CSNK1D: variants seen among roughly 807,000 people sequenced by gnomAD.
CSNK1D encodes casein kinase 1 delta, also known as casein kinase I isoform delta.
CSNK1D carries 16 observed loss-of-function variants against 46.6 expected under a neutral mutation model. The ratio of observed to expected loss-of-function variants is 0.34; its 90% CI spans 0.23 to 0.52. CSNK1D has a LOEUF of 0.52. Ranked by LOEUF, CSNK1D falls within the 20% of genes least tolerant of loss-of-function variation. The pLI, the probability that CSNK1D is intolerant of heterozygous loss-of-function variation, is 0.95. For missense variants in CSNK1D, 398 were observed against 578.4 expected (o/e 0.69, Z 3.20); for synonymous variants, 276 against 228.2 (o/e 1.21, Z -1.89).
downstream of CSNK1D, among the ~76,000 whole-genome samples, chr17:82,242,284 C>A (rs2147145421): frequency 6.6e-6 from 1 of 152,098 alleles, no homozygotes; most frequent in East Asian, 1.9e-4. Flanking sequence ...TGGGCTTCAA[C>A]AGCTCAAGCG....
At chr17:82,261,849 C>A (rs1023305893) in intron 2 of CSNK1D, among the ~76,000 whole-genome samples, 2 of 152,156 alleles carry the variant, frequency 1.3e-5, no homozygotes, top group Non-Finnish European at 2.9e-5. Context: ...CCCTCAGCCA[C>A]AGAACCGTCA....
rs1436160935 is a variant in CSNK1D, at chr17:82,255,170, G to C, written c.336+259C>G. 4 of 479,192 alleles carry C rather than the reference G, an allele frequency of 8.3e-6. No individual in the cohort carries two copies. The highest frequency in any genetic ancestry group is 2.0e-5 in the South Asian group (1 of 49,196). 29.7% of individuals were successfully genotyped at this position (479,192 alleles called of 1,614,324 possible). On this transcript the variant is annotated intron_variant, in intron 3 of 8. Transcript: ENST00000314028. This position sits in a 1 kb window ranked among gnomAD's most constrained non-coding sequence, Gnocchi z 5.9. ...CAGTGAGCTGGGCCGCCGGAGCCTC[G>C]AGAAGCCAGTGAGCTGGGCCGCCGG...
chr17:82,249,567 C>T lies in CSNK1D; in HGVS notation c.921G>A (p.Glu307=), dbSNP rs1318615689. The T allele has an allele frequency of 3.9e-6, 6 of 1,555,246 alleles. No homozygotes were observed. In the South Asian group the frequency reaches 7.1e-5, roughly 18 times the overall value. Residue 307 remains glutamate (E), a synonymous_variant, in exon 7 of 9, where the codon GAG becomes GAA. Transcript: ENST00000314028. The surrounding 1 kb of genome is among the most constrained non-coding windows in gnomAD (Gnocchi z 6.7). The part of the protein sequence containing the change: ...ASRAADDAER[E]RRDREERLRH... Reference sequence around the variant, plus strand: ...TCAGCCGCTCCTCTCGGTCCCTGCGCTCCCGCTCGGCGTCATCGGCGGCCC... The same window carrying T: ...TCAGCCGCTCCTCTCGGTCCCTGCGTTCCCGCTCGGCGTCATCGGCGGCCC...
In CSNK1D at chr17:82,243,622, G is replaced by C. The variant is rs1599570642; in HGVS notation, c.*1159C>G. On this transcript the variant is annotated 3_prime_UTR_variant, in exon 9 of 9. Transcript: ENST00000314028. ...GAAGGTTCTGGGTCCGGTTGGGAGA[G>C]TCACCTGCTCCTTGGCACCTCAGGG... 1 of 985,512 alleles carries C rather than the reference G, an allele frequency of 1.0e-6. No individual in the cohort carries two copies. Among genetic ancestry groups the C allele is most frequent in the Middle Eastern group, 5.2e-4 (1 of 1,914 alleles). 61.0% of individuals were successfully genotyped at this position (985,512 alleles called of 1,614,324 possible).
Position 82,251,271 on chromosome 17 carries a change from G to C in CSNK1D, c.885+108C>G. 1 of 1,339,400 alleles carries C rather than the reference G, an allele frequency of 7.5e-7. No homozygotes were observed. The highest frequency in any genetic ancestry group is 1.1e-6 in the Non-Finnish European group (1 of 945,950). The allele number at this position is 1,339,400 out of a possible 1,614,324, so 83.0% of individuals were successfully genotyped here. A position where few individuals can be genotyped will look rare whatever the true frequency, so the allele number is the denominator to read the frequency against. ...TACACACTTGCCCTTCACAACCAGA[G>C]ACACTCCCTATATGGTACAGCCCCT... On this transcript the variant is annotated intron_variant, in intron 6 of 8. Coordinates refer to ENST00000314028, the MANE Select transcript of CSNK1D (RefSeq NM_001893.6). This position sits in a 1 kb window ranked among gnomAD's most constrained non-coding sequence, Gnocchi z 4.5.
At chr17:82,264,797 C>CT (rs528693963) in intron 2 of CSNK1D, among the ~76,000 whole-genome samples, 12,823 of 133,328 alleles carry the variant, frequency 0.096, 1,237 homozygotes, top group African/African-American at 0.24. Flanking sequence ...CACACAAAAT[C>CT]TTTTTTTTTT....
rs1201471978 is a variant in CSNK1D, at chr17:82,243,027, C to A, written c.*1754G>T. The stretch of plus-strand genomic sequence containing the variant: ...CTACCTTCAAGAAGGGGTCCAGCAA[C>A]AAAGAAAATCTCTTAACTCGGCTCT... On this transcript the variant is annotated 3_prime_UTR_variant, in exon 9 of 9. Coordinates refer to ENST00000314028, the MANE Select transcript of CSNK1D (RefSeq NM_001893.6). 1.0e-6 allele frequency: 1 copy of A among 985,446 alleles called. No homozygotes were observed. The allele number at this position is 985,446 out of a possible 1,614,324, so 61.0% of individuals were successfully genotyped here. A position where few individuals can be genotyped will look rare whatever the true frequency, so the allele number is the denominator to read the frequency against.
chr17:82,253,582 A>T, intron 3 of CSNK1D: 1 of 374,284 alleles, frequency 2.7e-6, no homozygotes, highest in South Asian at 2.1e-5. Flanking sequence ...TTAGCAGAGA[A>T]ACTGCACGGA....
intron 2 of CSNK1D, among the ~76,000 whole-genome samples, chr17:82,261,567 A>G (rs1261129110): frequency 3.9e-5 from 6 of 152,146 alleles, no homozygotes; most frequent in Non-Finnish European, 5.9e-5. Flanking sequence ...TATATAACTA[A>G]AATGTTTCTA....
At position 82,248,938 on chromosome 17, in the gene CSNK1D, G is replaced by A. The variant is rs143219400; in HGVS notation, c.1134C>T (p.Pro378=). Residue 378 remains proline (P), a synonymous_variant, in exon 8 of 9, where the codon CCC becomes CCT. Coordinates refer to ENST00000314028, the MANE Select transcript of CSNK1D (RefSeq NM_001893.6). The surrounding 1 kb of genome is among the most constrained non-coding windows in gnomAD (Gnocchi z 4.1). Reference sequence around the variant, plus strand: ...TGAGGTCGGACGAGGAGATGTTGACGGGGGCCCCGCGGTGCAGCCGCATAC... The same window carrying A: ...TGAGGTCGGACGAGGAGATGTTGACAGGGGCCCCGCGGTGCAGCCGCATAC... ...KVSMRLHRGA[P]VNISSSDLTG... 2.1e-5 allele frequency: 33 copies of A among 1,605,088 alleles called. No individual in the cohort carries two copies. Among genetic ancestry groups the A allele is most frequent in the South Asian group, 1.5e-4 (13 of 89,592 alleles).
rs2051700163 is a variant in CSNK1D at position 82,273,597 on chromosome 17, C to G, written c.-216G>C. 5.1e-6 allele frequency: 3 copies of G among 589,046 alleles called. No homozygotes were observed. The highest frequency in any genetic ancestry group is 2.9e-6 in the Non-Finnish European group (1 of 340,968). The allele number at this position is 589,046 out of a possible 1,614,324, so 36.5% of individuals were successfully genotyped here. ...CCGAGCGCCGCCGCCGCTGCTCCGG[C>G]CCCTACCGGTCCCGCTTGCCCTCTC... On this transcript the variant is annotated 5_prime_UTR_variant, in exon 1 of 9. Coordinates refer to ENST00000314028, the MANE Select transcript of CSNK1D (RefSeq NM_001893.6). The surrounding 1 kb of genome is among the most constrained non-coding windows in gnomAD (Gnocchi z 5.1).
chr17:82,266,811 A>C (rs920863591), intron 1 of CSNK1D: 2 of 152,396 alleles, frequency 1.3e-5, no homozygotes, highest in Non-Finnish European at 2.9e-5. Flanking sequence ...CTGTAATCCC[A>C]GCACTTTGGG....
In CSNK1D at chr17:82,250,576, A is replaced by C; in HGVS notation, c.885+803T>G. On this transcript the variant is annotated intron_variant, in intron 6 of 8. Transcript: ENST00000314028. The surrounding 1 kb of genome is among the most constrained non-coding windows in gnomAD (Gnocchi z 4.6). ...TGCCATCTCTCCGGGGCCTCCAAGTACTCCCCACGCTGATGGGCACTTGGC... is the reference window on the plus strand; with the variant it reads ...TGCCATCTCTCCGGGGCCTCCAAGTCCTCCCCACGCTGATGGGCACTTGGC... 8.9e-6 allele frequency: 2 copies of C among 223,712 alleles called. No homozygotes were observed. Among genetic ancestry groups the C allele is most frequent in the Non-Finnish European group, 1.9e-5 (2 of 107,804 alleles). 13.9% of individuals were successfully genotyped at this position (223,712 alleles called of 1,614,324 possible). A position where few individuals can be genotyped will look rare whatever the true frequency, so the allele number is the denominator to read the frequency against.
At chr17:82,265,895 G>A (rs2051456289) in intron 1 of CSNK1D, 99 bp from the exon 2 acceptor site, 3 of 967,772 alleles carry the variant, frequency 3.1e-6, no homozygotes, top group Admixed American at 3.4e-5. Context: ...TTCCATGAAG[G>A]ACCAAGTGAG....
rs1288384840 is a variant in CSNK1D, at chr17:82,255,227, G to A, written c.336+202C>T. On this transcript the variant is annotated intron_variant, in intron 3 of 8. Transcript: ENST00000314028. The surrounding 1 kb of genome is among the most constrained non-coding windows in gnomAD (Gnocchi z 5.9). ...GAGAAGCCAGTGAGCTGGGCCGCCG[G>A]AGCCTCGAGAAGCCAGTGAGCGGAG... 3.0e-6 allele frequency: 2 copies of A among 670,816 alleles called. No individual in the cohort carries two copies. Among genetic ancestry groups the A allele is most frequent in the African/African-American group, 3.6e-5 (2 of 55,672 alleles). 41.6% of individuals were successfully genotyped at this position (670,816 alleles called of 1,614,324 possible).
At position 82,255,337 on chromosome 17, in the gene CSNK1D, T is replaced by G; in HGVS notation, c.336+92A>C. On this transcript the variant is annotated intron_variant, in intron 3 of 8. Transcript: ENST00000314028. The surrounding 1 kb of genome is among the most constrained non-coding windows in gnomAD (Gnocchi z 5.9). ...GCAAATTTCCATTTCCTCTGTGAATTAATGGCCATAATAATGGCAAGAACA... is the reference window on the plus strand; with the variant it reads ...GCAAATTTCCATTTCCTCTGTGAATGAATGGCCATAATAATGGCAAGAACA... 6.9e-7 allele frequency: 1 copy of G among 1,449,942 alleles called. No homozygotes were observed. Among genetic ancestry groups the G allele is most frequent in the Non-Finnish European group, 9.7e-7 (1 of 1,031,830 alleles). The allele number at this position is 1,449,942 out of a possible 1,614,324, so 89.8% of individuals were successfully genotyped here. A position where few individuals can be genotyped will look rare whatever the true frequency, so the allele number is the denominator to read the frequency against.
chr17:82,245,291 C>T (rs140310368), intron 8 of CSNK1D: 6 of 292,398 alleles, frequency 2.1e-5, no homozygotes, highest in African/African-American at 1.1e-4. Flanking sequence ...TGGAAGGAGC[C>T]GCCGAGCGCG....
downstream of CSNK1D, among the ~76,000 whole-genome samples, chr17:82,242,459 G>A (rs1338704123): frequency 6.6e-6 from 1 of 152,130 alleles, no homozygotes; most frequent in Non-Finnish European, 1.5e-5. Context: ...AGAGCCCAAG[G>A]GGGCAGCACG....
chr17:82,257,382 T>C (rs1391818818), intron 2 of CSNK1D, among the ~76,000 whole-genome samples: 2 of 152,298 alleles, frequency 1.3e-5, no homozygotes, highest in Admixed American at 1.3e-4. Context: ...GTGCTTTCAG[T>C]ATCTTACATT....
Sources: gnomAD v4.1 joint callset for allele counts (sites outside exome capture counted in the v4.1 genomes callset) on GRCh38, gnomAD v4.1.1 for gene constraint, Gnocchi (gnomAD v3.1) non-coding constraint, MANE v1.5 for transcripts, NCBI Gene and HGNC (gene_info 2026-07-23, HGNC 2026-07-21) for gene names.